Variants in RAB3GAP2 observed in about 807,000 individuals in gnomAD.
The protein encoded by RAB3GAP2 is rab3 GTPase-activating protein non-catalytic subunit.
RAB3GAP2 carries 87 observed loss-of-function variants against 185.3 expected under a neutral mutation model. The observed-to-expected ratio is 0.47, with a 90% CI of 0.39 to 0.56. RAB3GAP2 has a LOEUF of 0.56. Ranked by LOEUF, RAB3GAP2 falls within the 20% of genes least tolerant of loss-of-function variation. RAB3GAP2 has a pLI of 0.00. For synonymous variants in RAB3GAP2, 554 were observed against 576.1 expected, an observed-to-expected ratio of 0.96 and a Z score of 0.55; for missense variants, 1,492 against 1,638.2, an observed-to-expected ratio of 0.91 and a Z score of 1.54.
intron 2 of RAB3GAP2, among the ~76,000 whole-genome samples, chr1:220,221,337 AAGTGTTAGAT>A (rs1659302903): frequency 6.6e-6 from 1 of 152,156 alleles, no homozygotes; most frequent in Non-Finnish European, 1.5e-5. Context: ...ATTACGTTTG[AAGTGTTAGAT>A]GGCTAAGTAT....
intron 28 of RAB3GAP2, among the ~76,000 whole-genome samples, chr1:220,161,983 G>T (rs985938292): frequency 2.6e-5 from 4 of 152,096 alleles, no homozygotes; most frequent in Non-Finnish European, 4.4e-5. Flanking sequence ...TAGTTAAGAG[G>T]CTTTTATAAT....
chr1:220,148,687 TGTA>T lies in RAB3GAP2; in HGVS notation c.*2561_*2563del, dbSNP rs914864927. ...AATTGTTTTTAAAAAGCAATTTAAA[TGTA>T]ACAGTGTTTACTTTGACCATAGATG... On this transcript the variant is annotated 3_prime_UTR_variant, in exon 35 of 35. Transcript: ENST00000358951. 3 of 152,230 alleles carry T rather than the reference TGTA, an allele frequency of 2.0e-5. No individual in the cohort carries two copies. Among genetic ancestry groups the T allele is most frequent in the African/African-American group, 7.2e-5 (3 of 41,464 alleles). 9.4% of individuals were successfully genotyped at this position (152,230 alleles called of 1,614,324 possible).
intron 1 of RAB3GAP2, among the ~76,000 whole-genome samples, chr1:220,260,398 T>C (rs533656511): frequency 1.3e-5 from 2 of 152,310 alleles, no homozygotes; most frequent in Admixed American, 1.3e-4. Flanking sequence ...ATATACACCA[T>C]GGAATACTAT....
intron 21 of RAB3GAP2, among the ~76,000 whole-genome samples, chr1:220,173,047 C>G (rs561940557): frequency 6.6e-6 from 1 of 152,296 alleles, no homozygotes; most frequent in African/African-American, 2.4e-5. Context: ...GTTACTACTA[C>G]GTGAGCATAG....
rs1159105343 is a variant in RAB3GAP2, at chr1:220,272,214, G to A, written c.115+9C>T. ...AGGGAAGGAAGGGCGAGGCCAGAGA[G>A]GCACTTACTGGGGTCCCTCCGCAAG... On this transcript the variant is annotated intron_variant, in intron 1 of 34. Transcript: ENST00000358951. The A allele has an allele frequency of 6.3e-7, 1 of 1,595,306 alleles. No individual in the cohort carries two copies. Among genetic ancestry groups the A allele is most frequent in the Non-Finnish European group, 8.5e-7 (1 of 1,170,120 alleles).
rs1322779536 is a variant in RAB3GAP2 at position 220,203,908 on chromosome 1, T to C, written c.713-1534A>G. Among the ~76,000 whole-genome samples, 4 of 152,310 alleles carry C rather than the reference T, an allele frequency of 2.6e-5. No individual in the cohort carries two copies. The East Asian group carries it at 7.7e-4, about 29-fold the overall frequency. ...TTATTGCAATATAAGATGCTGCATT[T>C]AGACTAGATTTAGAAATAATTTCAG... On this transcript the variant is annotated intron_variant, in intron 8 of 34. Coordinates refer to ENST00000358951, the MANE Select transcript of RAB3GAP2 (RefSeq NM_012414.4).
At chr1:220,192,804 T>C (rs1025693299) in intron 13 of RAB3GAP2, among the ~76,000 whole-genome samples, 11 of 152,206 alleles carry the variant, frequency 7.2e-5, no homozygotes, top group African/African-American at 2.7e-4. Context: ...GACATACTTA[T>C]TGACACACCA....
rs753255243 is a variant in RAB3GAP2 at position 220,185,654 on chromosome 1, G to T, written c.1867C>A (p.Gln623Lys). 1.2e-6 allele frequency: 2 copies of T among 1,605,146 alleles called. No homozygotes were observed. The highest frequency in any genetic ancestry group is 2.2e-5 in the East Asian group (1 of 44,704). The part of the protein sequence containing the change: ...TQTLMDTLKS[Q>K]ELESVDEGLL... ...CAATCAGTACAAACCCTATTACCTT[G>T]ACTTTTTAAAGTGTCCATTAAAGTC... Residue 623 changes from glutamine to lysine, a missense_variant, in exon 18 of 35, where the codon CAA becomes AAA. Gln to Lys is a moderately conservative substitution (Grantham distance 53). Around this residue, in one of 5 missense-constraint regions of RAB3GAP2, gnomAD observed 681 missense variants for 689.1 expected, o/e 0.99. Transcript: ENST00000358951.
intron 2 of RAB3GAP2, 82 bp downstream of exon 2, chr1:220,232,717 G>A: frequency 7.9e-7 from 1 of 1,262,076 alleles, no homozygotes; most frequent in East Asian, 2.3e-5. Context: ...TAAAATGTCA[G>A]CTTGACAGGG....
chr1:220,190,008 T>A, intron 16 of RAB3GAP2, 56 bp downstream of exon 16: 1 of 1,382,866 alleles, frequency 7.2e-7, no homozygotes, highest in South Asian at 1.2e-5. Flanking sequence ...AATATTTTAT[T>A]GATTTAAAAG....
At chr1:220,265,610 A>G (rs982523794) in intron 1 of RAB3GAP2, among the ~76,000 whole-genome samples, 3 of 152,124 alleles carry the variant, frequency 2.0e-5, no homozygotes, top group African/African-American at 7.2e-5. Context: ...GTGGGGACCT[A>G]TACTCCACCC....
intron 1 of RAB3GAP2, among the ~76,000 whole-genome samples, chr1:220,259,309 A>G (rs1660091308): frequency 6.6e-6 from 1 of 152,218 alleles, no homozygotes; most frequent in African/African-American, 2.4e-5. Context: ...AGCTGGAGGC[A>G]TCACACTACC....
intron 1 of RAB3GAP2, among the ~76,000 whole-genome samples, chr1:220,250,134 C>T (rs1402707272): frequency 5.9e-5 from 9 of 152,128 alleles, no homozygotes; most frequent in Admixed American, 5.9e-4. Context: ...GGAAAAGCCA[C>T]AGACACTCAA....
intron 1 of RAB3GAP2, among the ~76,000 whole-genome samples, chr1:220,248,935 C>T (rs575894522): frequency 2.0e-5 from 3 of 152,340 alleles, no homozygotes; most frequent in African/African-American, 4.8e-5. Flanking sequence ...TCTGCCATGA[C>T]TGTAATTTCC....
chr1:220,266,510 C>T (rs1387611281), intron 1 of RAB3GAP2: 23 of 611,254 alleles, frequency 3.8e-5, no homozygotes, highest in Non-Finnish European at 6.5e-5. Flanking sequence ...GCTACTTTCA[C>T]TTCAGAGTGT....
At chr1:220,194,289 A>C (rs530302764) in intron 12 of RAB3GAP2, among the ~76,000 whole-genome samples, 84 of 152,256 alleles carry the variant, frequency 5.5e-4, no homozygotes, top group African/African-American at 2.0e-3. Flanking sequence ...CCACCAAAAA[A>C]AACTCACCAA....
intron 1 of RAB3GAP2, among the ~76,000 whole-genome samples, chr1:220,252,152 GAAAAAA>G (rs58516168): frequency 3.1e-5 from 3 of 96,020 alleles, no homozygotes; most frequent in African/African-American, 1.1e-4. Flanking sequence ...CTCAAAAAAA[GAAAAAA>G]AAAAAAAAAA....
Position 220,148,737 on chromosome 1 carries a change from ACT to A in RAB3GAP2, c.*2512_*2513del, listed in dbSNP as rs1491156868. 10 of 150,838 alleles carry A rather than the reference ACT, an allele frequency of 6.6e-5. No individual in the cohort carries two copies. The highest frequency in any genetic ancestry group is 2.0e-4 in the African/African-American group (8 of 40,234). 9.3% of individuals were successfully genotyped at this position (150,838 alleles called of 1,614,324 possible). On this transcript the variant is annotated 3_prime_UTR_variant, in exon 35 of 35. Coordinates refer to ENST00000358951, the MANE Select transcript of RAB3GAP2 (RefSeq NM_012414.4). ...GATGAAGTTTTATAATAAAAGTAAA[ACT>A]TTTTTTTTCTGTTTGCAAAAGTATG... is the stretch of plus-strand genomic sequence containing the variant.
At chr1:220,214,946 T>TTATA (rs10526805) in intron 2 of RAB3GAP2, among the ~76,000 whole-genome samples, 26,834 of 88,924 alleles carry the variant, frequency 0.3, 4,865 homozygotes, top group East Asian at 0.36. Flanking sequence ...AATAGTAGCA[T>TTATA]TATATATATA....
Sources: gnomAD v4.1 joint callset for allele counts (sites outside exome capture counted in the v4.1 genomes callset) on GRCh38, gnomAD v4.1.1 for gene constraint, gnomAD v4.1.1 regional missense constraint, MANE v1.5 for transcripts, NCBI Gene and HGNC (gene_info 2026-07-23, HGNC 2026-07-21) for gene names.